The following HERC4 variants were observed in gnomAD, a reference collection of about 807,000 sequenced individuals.
HERC4 encodes the protein probable E3 ubiquitin-protein ligase HERC4.
A neutral mutation model predicts 124.3 loss-of-function variants in HERC4; 28 were observed. That is an observed-to-expected ratio of 0.23 (90% CI 0.17 to 0.31). The LOEUF is 0.31. HERC4 is among the 10% of genes least tolerant of loss of function. The pLI, the probability that HERC4 is intolerant of heterozygous loss-of-function variation, is 1.00. For synonymous variants in HERC4, 407 were observed against 421.5 expected (o/e 0.97, Z 0.42); for missense variants, 713 against 1,229.3 (o/e 0.58, Z 6.28).
At chr10:68,064,258 AAAAG>A (rs776453619) in intron 3 of HERC4, among the ~76,000 whole-genome samples, 1 of 152,022 alleles carries the variant, frequency 6.6e-6, no homozygotes, top group African/African-American at 2.4e-5. Context: ...AAAAATAATT[AAAAG>A]AAAGAAATAG....
intron 16 of HERC4, among the ~76,000 whole-genome samples, chr10:67,960,202 T>G (rs1331168709): frequency 6.6e-6 from 1 of 152,206 alleles, no homozygotes; most frequent in Non-Finnish European, 1.5e-5. Flanking sequence ...TGAGCTTCTT[T>G]GGCTAGAAAT....
At chr10:68,024,072 C>T (rs2038782543) in intron 8 of HERC4, among the ~76,000 whole-genome samples, 1 of 152,000 alleles carries the variant, frequency 6.6e-6, no homozygotes, top group South Asian at 2.1e-4. Context: ...CAATAAAGAA[C>T]TTTTATCCCT....
intron 17 of HERC4, 44 bp from the exon 18 acceptor site, chr10:67,955,174 A>G (rs1317065358): frequency 6.5e-7 from 1 of 1,531,444 alleles, no homozygotes; most frequent in Non-Finnish European, 8.8e-7. Flanking sequence ...TGCTACAATA[A>G]AGCTACTGTG....
At chr10:67,985,948 T>C (rs755277504) in intron 15 of HERC4, among the ~76,000 whole-genome samples, 17 of 152,220 alleles carry the variant, frequency 1.1e-4, no homozygotes, top group Non-Finnish European at 2.2e-4. Flanking sequence ...GAAATTCCCC[T>C]TAATTCTTAA....
In HERC4 at chr10:67,932,589, T is replaced by C. The variant is rs1473106763; in HGVS notation, c.2838+8A>G. The C allele has an allele frequency of 1.9e-6, 3 of 1,598,382 alleles. No individual in the cohort carries two copies. Among genetic ancestry groups the C allele is most frequent in the Admixed American group, 3.6e-5 (2 of 56,028 alleles). On this transcript the variant is annotated splice_region_variant and intron_variant, in intron 23 of 24. Coordinates refer to ENST00000373700, the MANE Select transcript of HERC4 (RefSeq NM_015601.4). The stretch of plus-strand genomic sequence containing the variant: ...ATTTAACAATATCAGAGATTAGTTT[T>C]CCCCTACCTTTTCCAGTTCCTTCCA...
chr10:68,033,048 G>A (rs1465822119), intron 6 of HERC4, among the ~76,000 whole-genome samples, 179 bp from the exon 7 acceptor site: 2 of 152,090 alleles, frequency 1.3e-5, no homozygotes, highest in African/African-American at 4.8e-5. Flanking sequence ...CCATACTATT[G>A]TGATAAAGGA....
At position 67,990,289 on chromosome 10, in the gene HERC4, A is replaced by C; in HGVS notation, c.1555T>G (p.Ser519Ala). The C allele has an allele frequency of 6.2e-7, 1 of 1,613,048 alleles. No individual in the cohort carries two copies. Among genetic ancestry groups the C allele is most frequent in the Non-Finnish European group, 8.5e-7 (1 of 1,179,380 alleles). The change falls in exon 14 of 25, where the codon TCC becomes GCC. Residue 519 changes from serine to alanine, a missense_variant. Coordinates refer to ENST00000373700, the MANE Select transcript of HERC4 (RefSeq NM_015601.4). ...ATTGCTATTGTTGTGAAATTGTTGG[A>C]ATCACTCATCAGGGGACATTCTGGT... is the stretch of plus-strand genomic sequence containing the variant. The part of the protein sequence containing the change: ...TLPECPLMSD[S>A]NNFTTIAIPF...
intron 8 of HERC4, among the ~76,000 whole-genome samples, chr10:68,019,995 T>C (rs2038511530): frequency 6.6e-6 from 1 of 152,232 alleles, no homozygotes; most frequent in Admixed American, 6.5e-5. Flanking sequence ...CTTTCATTTT[T>C]TCCTTGTTTC....
chr10:67,943,939 C>A (rs948251556), intron 19 of HERC4, among the ~76,000 whole-genome samples: 1 of 152,210 alleles, frequency 6.6e-6, no homozygotes, highest in Non-Finnish European at 1.5e-5. Flanking sequence ...TAGAACAGAG[C>A]ACCAGGTAGG....
intron 13 of HERC4, 144 bp downstream of exon 13, chr10:67,990,760 C>A: frequency 1.9e-6 from 1 of 519,186 alleles, no homozygotes; most frequent in Non-Finnish European, 3.3e-6. Context: ...AGCTAAATTA[C>A]AAATGCTTTA....
chr10:68,002,491 T>C (rs1004950327), intron 9 of HERC4, among the ~76,000 whole-genome samples: 1 of 151,720 alleles, frequency 6.6e-6, no homozygotes, highest in Non-Finnish European at 1.5e-5. Flanking sequence ...AATGAAAAAA[T>C]AATCAGCTCT....
chr10:67,974,444 A>G (rs1324500490), intron 15 of HERC4, among the ~76,000 whole-genome samples: 1 of 152,242 alleles, frequency 6.6e-6, no homozygotes, highest in Admixed American at 6.5e-5. Context: ...GTGAATAATC[A>G]CATATACACT....
At chr10:67,946,740 C>T (rs562162217) in intron 19 of HERC4, among the ~76,000 whole-genome samples, 23 of 152,150 alleles carry the variant, frequency 1.5e-4, no homozygotes, top group African/African-American at 5.1e-4. Flanking sequence ...AACCTCATCT[C>T]TACTAAAAAT....
intron 3 of HERC4, among the ~76,000 whole-genome samples, chr10:68,045,217 G>T (rs573240060): frequency 6.6e-6 from 1 of 152,262 alleles, no homozygotes; most frequent in South Asian, 2.1e-4. Context: ...CAGCTATTCG[G>T]GAGGCTGAAA....
At chr10:67,926,556 T>C (rs1275167357) in intron 23 of HERC4, among the ~76,000 whole-genome samples, 5 of 152,196 alleles carry the variant, frequency 3.3e-5, no homozygotes, top group African/African-American at 9.7e-5. Context: ...TCAGGTCCTT[T>C]GGACATACTG....
chr10:67,972,559 T>G (rs1435448523), intron 15 of HERC4, among the ~76,000 whole-genome samples: 5 of 143,918 alleles, frequency 3.5e-5, no homozygotes, highest in Non-Finnish European at 7.6e-5. Flanking sequence ...AAAAAAAGAA[T>G]TTCTCTGTAC....
intron 20 of HERC4, 79 bp downstream of exon 20, chr10:67,940,860 T>C (rs1361043641): frequency 3.3e-6 from 4 of 1,202,734 alleles, no homozygotes; most frequent in Admixed American, 2.6e-5. Flanking sequence ...TATTTTTTCA[T>C]AGAAGGAAAG....
intron 15 of HERC4, among the ~76,000 whole-genome samples, chr10:67,985,093 A>G (rs1306752963): frequency 1.3e-5 from 2 of 152,210 alleles, no homozygotes; most frequent in Non-Finnish European, 2.9e-5. Flanking sequence ...ATAAGGTTCA[A>G]TCAGCCATCA....
intron 24 of HERC4, 30 bp downstream of exon 24, chr10:67,925,054 AT>A (rs779968467): frequency 8.3e-7 from 1 of 1,206,490 alleles, no homozygotes; most frequent in African/African-American, 1.5e-5. Flanking sequence ...TTCCAGTCTC[AT>A]AAAGTATACA....
Sources: allele counts gnomAD v4.1 joint callset (sites outside exome capture counted in the v4.1 genomes callset), GRCh38; gene constraint gnomAD v4.1.1; transcripts MANE v1.5; gene names NCBI Gene and HGNC (gene_info 2026-07-23, HGNC 2026-07-21).